GPC5: variants seen among roughly 807,000 people sequenced by gnomAD.
The protein encoded by GPC5 is glypican 5.
In GPC5, 47 loss-of-function variants were observed where a neutral mutation model predicts 53.9. That is an observed-to-expected ratio of 0.87 (90% CI 0.69 to 1.11). The LOEUF (loss-of-function observed/expected upper bound fraction) is 1.11, where lower values mean the gene tolerates loss of function less well. Among genes scored for constraint, GPC5 ranks in the 50% most tolerant of loss-of-function variants. The pLI is 0.00. For missense variants in GPC5, 748 were observed against 713.1 expected (o/e 1.05, Z -0.56); for synonymous variants, 286 against 263.3 (o/e 1.09, Z -0.84).
chr13:91,529,376 G>T (rs1421722396), intron 2 of GPC5, among the ~76,000 whole-genome samples: 1 of 152,054 alleles, frequency 6.6e-6, no homozygotes, highest in African/African-American at 2.4e-5. Flanking sequence ...AGAAAATAAG[G>T]AAGAGAAAGT....
At chr13:92,833,854 T>C (rs1046851413) in intron 7 of GPC5, among the ~76,000 whole-genome samples, 3 of 152,104 alleles carry the variant, frequency 2.0e-5, no homozygotes, top group Non-Finnish European at 4.4e-5. Flanking sequence ...GGAAATTTAG[T>C]ATATCCGTAA....
At chr13:92,625,139 A>G (rs1432372572) in intron 7 of GPC5, among the ~76,000 whole-genome samples, 1 of 152,134 alleles carries the variant, frequency 6.6e-6, no homozygotes. Context: ...TCCACTGCGA[A>G]TTTACATTAA....
chr13:91,596,529 T>G (rs570332265), intron 2 of GPC5, among the ~76,000 whole-genome samples: 9 of 152,350 alleles, frequency 5.9e-5, no homozygotes, highest in African/African-American at 2.2e-4. Context: ...TTTGCATGCC[T>G]CATAGTTTTT....
At chr13:92,461,788 G>A (rs542867863) in intron 7 of GPC5, among the ~76,000 whole-genome samples, 9 of 152,250 alleles carry the variant, frequency 5.9e-5, no homozygotes, top group Admixed American at 6.5e-5. Context: ...TCTGCTGCCC[G>A]GTTGATCTTC....
At chr13:91,654,522 T>G (rs959658541) in intron 2 of GPC5, among the ~76,000 whole-genome samples, 1 of 152,174 alleles carries the variant, frequency 6.6e-6, no homozygotes, top group African/African-American at 2.4e-5. Context: ...TTATATAATA[T>G]GAAATATTAA....
intron 7 of GPC5, among the ~76,000 whole-genome samples, chr13:92,838,202 C>G (rs958918084): frequency 6.6e-6 from 1 of 151,004 alleles, no homozygotes; most frequent in Non-Finnish European, 1.5e-5. Flanking sequence ...TAAACCTACT[C>G]GGCCAGGCAC....
intron 7 of GPC5, among the ~76,000 whole-genome samples, chr13:92,287,256 G>T (rs929235293): frequency 1.3e-5 from 2 of 152,120 alleles, no homozygotes; most frequent in Non-Finnish European, 2.9e-5. Context: ...AACATATCTT[G>T]AAAGTTGTTT....
At chr13:92,315,746 T>G (rs1015332594) in intron 7 of GPC5, among the ~76,000 whole-genome samples, 1 of 152,188 alleles carries the variant, frequency 6.6e-6, no homozygotes, top group Non-Finnish European at 1.5e-5. Context: ...AAATAATTAG[T>G]AAATGTATAA....
chr13:92,801,912 C>T (rs1283613580), intron 7 of GPC5, among the ~76,000 whole-genome samples: 1 of 151,770 alleles, frequency 6.6e-6, no homozygotes, highest in South Asian at 2.1e-4. Flanking sequence ...AAACTTTAAA[C>T]AGGTATAAAG....
At chr13:92,341,854 G>A (rs2043369450) in intron 7 of GPC5, among the ~76,000 whole-genome samples, 1 of 151,986 alleles carries the variant, frequency 6.6e-6, no homozygotes, top group Non-Finnish European at 1.5e-5. Flanking sequence ...GTTTATCGAG[G>A]GGGAAATCTT....
At chr13:91,636,958 A>G (rs1266118103) in intron 2 of GPC5, among the ~76,000 whole-genome samples, 1 of 148,268 alleles carries the variant, frequency 6.7e-6, no homozygotes, top group Non-Finnish European at 1.5e-5. Context: ...TGTCTCTAAA[A>G]CAAACAAACG....
chr13:92,736,612 T>G (rs1240174529), intron 7 of GPC5, among the ~76,000 whole-genome samples: 2 of 151,926 alleles, frequency 1.3e-5, no homozygotes, highest in Non-Finnish European at 2.9e-5. Flanking sequence ...CAGCTTTTGA[T>G]GTGCTGCTTT....
At position 92,116,652 on chromosome 13, in the gene GPC5, T is replaced by A. The variant is rs9589433; in HGVS notation, c.1402-28178T>A. ...CTGTCTAAAGATTGTCAAAAGTGAC[T>A]GTGTGACTTGGCATCATTCCCACTA... On this transcript the variant is annotated intron_variant, in intron 6 of 7. Transcript: ENST00000377067. Among the ~76,000 whole-genome samples the A allele has an allele frequency of 2.7e-3, 414 of 152,330 alleles. 2 individuals carry two copies. Among genetic ancestry groups the A allele is most frequent in the African/African-American group, 9.4e-3 (389 of 41,572 alleles).
intron 7 of GPC5, among the ~76,000 whole-genome samples, chr13:92,153,137 GCTTT>G (rs2041919315): frequency 6.6e-6 from 1 of 151,942 alleles, no homozygotes; most frequent in Non-Finnish European, 1.5e-5. Context: ...TTTCTCTTTT[GCTTT>G]CTTTCTTTTT....
Position 92,338,353 on chromosome 13 carries a change from T to G in GPC5, c.1561+193364T>G, listed in dbSNP as rs185140863. The stretch of plus-strand genomic sequence containing the variant: ...TTGCTGGGAATGCAAAATGGTACTC[T>G]GGAAGACAGTTTCTTACAGTTTCTT... On this transcript the variant is annotated intron_variant, in intron 7 of 7. Coordinates refer to ENST00000377067, the MANE Select transcript of GPC5 (RefSeq NM_004466.6). 1.1e-4 allele frequency among the ~76,000 whole-genome samples: 17 copies of G among 152,252 alleles called. No homozygotes were observed. In the East Asian group the frequency reaches 3.1e-3, roughly 28 times the overall value.
At chr13:92,321,842 T>A (rs1050566107) in intron 7 of GPC5, among the ~76,000 whole-genome samples, 1 of 152,196 alleles carries the variant, frequency 6.6e-6, no homozygotes, top group African/African-American at 2.4e-5. Context: ...TGAGAAAATA[T>A]GTTGTATTGC....
chr13:92,116,013 G>A (rs950105539), intron 6 of GPC5, among the ~76,000 whole-genome samples: 3 of 152,120 alleles, frequency 2.0e-5, no homozygotes, highest in Non-Finnish European at 4.4e-5. Context: ...CACTTTGGGA[G>A]GCTGAGATGG....
rs544026524 is a variant in GPC5 at position 91,819,226 on chromosome 13, A to G, written c.1280+62806A>G. Among the ~76,000 whole-genome samples, 17 of 125,948 alleles carry G rather than the reference A, an allele frequency of 1.3e-4. No homozygotes were observed. The South Asian group carries it at 3.2e-3, about 24-fold the overall frequency. The allele number at this position is 125,948 out of a possible 152,430, so 82.6% of individuals were successfully genotyped here. A position where few individuals can be genotyped will look rare whatever the true frequency, so the allele number is the denominator to read the frequency against. ...CTGGGCTGGAATGCAGTGGCGTGAT[A>G]TCAGCTCACTGCAACCTCCACCTCC... On this transcript the variant is annotated intron_variant, in intron 5 of 7. Transcript: ENST00000377067.
At chr13:92,509,774 A>T (rs1428831682) in intron 7 of GPC5, 1 of 152,164 alleles carries the variant, frequency 6.6e-6, no homozygotes, top group East Asian at 1.9e-4. Flanking sequence ...GTTGGGGGAA[A>T]ATTATTTTTT....
Sources: gnomAD v4.1 joint callset for allele counts (sites outside exome capture counted in the v4.1 genomes callset) on GRCh38, gnomAD v4.1.1 for gene constraint, MANE v1.5 for transcripts, NCBI Gene and HGNC (gene_info 2026-07-23, HGNC 2026-07-21) for gene names.